The following NRG1 variants were observed in gnomAD, a reference collection of about 807,000 sequenced individuals.
NRG1 encodes pro-neuregulin-1, membrane-bound isoform.
Under a neutral mutation model 63.8 loss-of-function variants are expected in NRG1, and 18 were observed. The ratio of observed to expected loss-of-function variants is 0.28; its 90% CI spans 0.19 to 0.42. NRG1 has a LOEUF of 0.42. Ranked by LOEUF, NRG1 falls within the 10% of genes least tolerant of loss-of-function variation. The probability of loss-of-function intolerance (pLI) is 1.00; values close to 1 mark genes in which losing one functional copy is unlikely to be tolerated. For missense variants in NRG1, 762 were observed against 814.7 expected, an observed-to-expected ratio of 0.94 and a Z score of 0.79; for synonymous variants, 302 against 301.3, an observed-to-expected ratio of 1.00 and a Z score of -0.02.
chr8:32,309,913 C>G (rs1301111771), intron 1 of NRG1, among the ~76,000 whole-genome samples: 1 of 152,232 alleles, frequency 6.6e-6, no homozygotes, highest in Non-Finnish European at 1.5e-5. Context: ...AATGTTAAGT[C>G]CACCCTAGTT....
At chr8:32,058,729 T>A (rs946367079) in intron 1 of NRG1, among the ~76,000 whole-genome samples, 1 of 152,096 alleles carries the variant, frequency 6.6e-6, no homozygotes, top group African/African-American at 2.4e-5. Flanking sequence ...CTTCTCCTTC[T>A]ATTTATATAA....
At chr8:32,064,790 A>G (rs1824472935) in intron 1 of NRG1, among the ~76,000 whole-genome samples, 1 of 152,160 alleles carries the variant, frequency 6.6e-6, no homozygotes, top group Non-Finnish European at 1.5e-5. Flanking sequence ...GCAGTATAAG[A>G]ACTGCTAGTG....
At chr8:31,677,512 C>A (rs991399807) in intron 1 of NRG1, among the ~76,000 whole-genome samples, 5 of 152,054 alleles carry the variant, frequency 3.3e-5, no homozygotes, top group African/African-American at 1.2e-4. Flanking sequence ...CCACCGATGT[C>A]AGAGGATCAC....
chr8:31,665,711 AT>A (rs201074869), intron 1 of NRG1, among the ~76,000 whole-genome samples: 3 of 152,022 alleles, frequency 2.0e-5, no homozygotes, highest in Non-Finnish European at 2.9e-5. Context: ...CATAGGCTTT[AT>A]TTTTTTTAAT....
intron 1 of NRG1, among the ~76,000 whole-genome samples, chr8:31,774,026 G>T (rs1203536010): frequency 6.6e-6 from 1 of 151,058 alleles, no homozygotes; most frequent in Non-Finnish European, 1.5e-5. Flanking sequence ...AAAAAAAAAA[G>T]AAAAAGAAGT....
rs191918879 is a variant in NRG1 at position 32,636,408 on chromosome 8, G to A, written c.502+19523G>A. 7.6e-3 allele frequency among the ~76,000 whole-genome samples: 1,151 copies of A among 152,246 alleles called. 6 individuals carry two copies. The highest frequency in any genetic ancestry group is 0.024 in the Middle Eastern group (7 of 294). On this transcript the variant is annotated intron_variant, in intron 5 of 11. Coordinates refer to ENST00000356819, the Ensembl canonical transcript of NRG1. The stretch of plus-strand genomic sequence containing the variant: ...ATTTAATAGTTTATAAAATATCTGT[G>A]TGAATCACTGGGTGGAGAATCCAGC...
intron 1 of NRG1, among the ~76,000 whole-genome samples, chr8:32,050,649 A>G (rs1412954087): frequency 6.6e-6 from 1 of 152,142 alleles, no homozygotes; most frequent in Non-Finnish European, 1.5e-5. Flanking sequence ...TACAGACCAC[A>G]TGACCTCACC....
intron 1 of NRG1, among the ~76,000 whole-genome samples, chr8:31,918,534 G>T (rs1162138869): frequency 6.6e-6 from 1 of 152,158 alleles, no homozygotes; most frequent in Non-Finnish European, 1.5e-5. Flanking sequence ...AACCAGCCTT[G>T]CATCCCAGGG....
intron 1 of NRG1, among the ~76,000 whole-genome samples, chr8:32,313,520 A>G (rs371945230): frequency 1.3e-5 from 2 of 152,208 alleles, no homozygotes; most frequent in East Asian, 3.9e-4. Context: ...GTCTTTTGCC[A>G]CTAACTGAAA....
chr8:32,257,340 C>A (rs1849843456), intron 1 of NRG1, among the ~76,000 whole-genome samples: 1 of 152,160 alleles, frequency 6.6e-6, no homozygotes. Context: ...TGAAAAAAAA[C>A]TCCTGCAGCT....
At position 32,326,155 on chromosome 8, in the gene NRG1, G is replaced by A. The variant is rs536388355; in HGVS notation, c.38-269673G>A. On this transcript the variant is annotated intron_variant, in intron 1 of 10. Coordinates refer to the NRG1 transcript ENST00000519301. ...CTCCTGAGTAGCTGCGATTACAGGCGCACGCCACCATGCCCAGCTAATTTT... is the reference window on the plus strand; with the variant it reads ...CTCCTGAGTAGCTGCGATTACAGGCACACGCCACCATGCCCAGCTAATTTT... Among the ~76,000 whole-genome samples, 5 of 151,744 alleles carry A rather than the reference G, an allele frequency of 3.3e-5. No individual in the cohort carries two copies. In the East Asian group the frequency reaches 5.9e-4, roughly 18 times the overall value.
At chr8:32,338,206 G>C (rs771501733) in intron 1 of NRG1, among the ~76,000 whole-genome samples, 82 of 152,182 alleles carry the variant, frequency 5.4e-4, no homozygotes, top group Admixed American at 1.7e-3. Flanking sequence ...GAGCATAGGA[G>C]AAAGGTACCA....
chr8:32,624,002 A>G (rs557641905), intron 5 of NRG1, among the ~76,000 whole-genome samples: 1 of 152,276 alleles, frequency 6.6e-6, no homozygotes, highest in Non-Finnish European at 1.5e-5. Flanking sequence ...GATATAGATC[A>G]TTGATACTTG....
intron 1 of NRG1, among the ~76,000 whole-genome samples, chr8:31,769,166 A>G (rs1455651634): frequency 6.6e-6 from 1 of 152,208 alleles, no homozygotes; most frequent in Non-Finnish European, 1.5e-5. Context: ...GCAAATCCAA[A>G]ACATTATTTC....
At chr8:32,355,748 T>C (rs1806300942) in intron 1 of NRG1, among the ~76,000 whole-genome samples, 2 of 152,162 alleles carry the variant, frequency 1.3e-5, no homozygotes, top group Admixed American at 1.3e-4. Flanking sequence ...GTTGTCTTTA[T>C]AAGTTGTTTT....
Position 32,152,918 on chromosome 8 carries a change from TC to T in NRG1, c.38-442908del, listed in dbSNP as rs138555472. Among the ~76,000 whole-genome samples the T allele has an allele frequency of 2.0e-3, 308 of 152,310 alleles. 2 individuals carry two copies. Among genetic ancestry groups the T allele is most frequent in the African/African-American group, 6.3e-3 (260 of 41,564 alleles). Reference sequence around the variant, plus strand: ...AGGAGTAGAAACCCATTTGAACTTGTCCAGGAACTCAAGTTTAGAGGCTCAA... The same window carrying T: ...AGGAGTAGAAACCCATTTGAACTTGTCAGGAACTCAAGTTTAGAGGCTCAA... On this transcript the variant is annotated intron_variant, in intron 1 of 10. Coordinates refer to the NRG1 transcript ENST00000519301.
intron 1 of NRG1, among the ~76,000 whole-genome samples, chr8:32,320,023 A>T (rs1313788806): frequency 6.6e-6 from 1 of 152,178 alleles, no homozygotes; most frequent in African/African-American, 2.4e-5. Flanking sequence ...TGAACCCAGG[A>T]TAACCTGGTT....
At chr8:32,356,876 A>G (rs1806506112) in intron 1 of NRG1, among the ~76,000 whole-genome samples, 1 of 152,214 alleles carries the variant, frequency 6.6e-6, no homozygotes, top group South Asian at 2.1e-4. Context: ...TTCAACATCT[A>G]AGGAAAAATT....
intron 1 of NRG1, among the ~76,000 whole-genome samples, chr8:31,860,443 A>G (rs1024820709): frequency 1.3e-5 from 2 of 152,174 alleles, no homozygotes; most frequent in African/African-American, 4.8e-5. Context: ...TGAAAGTATA[A>G]ATCTGTACCT....
Sources: gnomAD v4.1 joint callset for allele counts (sites outside exome capture counted in the v4.1 genomes callset) on GRCh38, gnomAD v4.1.1 for gene constraint, MANE v1.5 for transcripts, NCBI Gene and HGNC (gene_info 2026-07-23, HGNC 2026-07-21) for gene names.